Variants in GOLM2 observed in about 807,000 individuals in gnomAD.
GOLM2 encodes golgi membrane protein 2.
Under a neutral mutation model 55.9 loss-of-function variants are expected in GOLM2, and 26 were observed. That is an observed-to-expected ratio of 0.47 (90% confidence interval 0.34 to 0.65). The LOEUF is 0.65. Among genes scored for constraint, GOLM2 ranks in the 30% least tolerant of loss-of-function variants. The probability of loss-of-function intolerance (pLI) is 0.01; values close to 1 mark genes in which losing one functional copy is unlikely to be tolerated. For missense variants in GOLM2, 486 were observed against 531.8 expected (o/e 0.91, Z 0.85); for synonymous variants, 165 against 194.6 (o/e 0.85, Z 1.27).
chr15:44,302,777 C>T lies in GOLM2; in HGVS notation c.327+13421C>T, dbSNP rs144614732. ...AAGTGTTGGGATTACAAGCATGAGC[C>T]ACCATATCCAGCCTGTGAATTTCTT... is the stretch of plus-strand genomic sequence containing the variant. On this transcript the variant is annotated intron_variant, in intron 1 of 9. Coordinates refer to ENST00000299957, the MANE Select transcript of GOLM2 (RefSeq NM_138423.4). Among the ~76,000 whole-genome samples, 1,125 of 152,242 alleles carry T rather than the reference C, an allele frequency of 7.4e-3. 12 individuals carry two copies. The highest frequency in any genetic ancestry group is 0.026 in the African/African-American group (1,076 of 41,546).
chr15:44,312,895 A>C (rs1325143573), intron 1 of GOLM2, among the ~76,000 whole-genome samples: 1 of 152,008 alleles, frequency 6.6e-6, no homozygotes, highest in East Asian at 1.9e-4. Flanking sequence ...CTTGGCCAAC[A>C]TGGTGAAACC....
intron 6 of GOLM2, among the ~76,000 whole-genome samples, chr15:44,349,152 G>A (rs1376314744): frequency 1.3e-5 from 2 of 151,574 alleles, no homozygotes; most frequent in South Asian, 2.1e-4. Flanking sequence ...CCAGCTACTC[G>A]GGAGGCTGAG....
intron 3 of GOLM2, among the ~76,000 whole-genome samples, chr15:44,331,434 G>A (rs983381217): frequency 6.6e-6 from 1 of 152,176 alleles, no homozygotes; most frequent in African/African-American, 2.4e-5. Context: ...TACTTGGCTA[G>A]CAGAAAGTCA....
At chr15:44,353,641 C>A (rs1884198985) in intron 6 of GOLM2, among the ~76,000 whole-genome samples, 2 of 152,086 alleles carry the variant, frequency 1.3e-5, no homozygotes, top group African/African-American at 2.4e-5. Context: ...ATGGATGGAA[C>A]TATGGTCATT....
chr15:44,367,425 C>A (rs1018103460), intron 6 of GOLM2, among the ~76,000 whole-genome samples: 9 of 152,050 alleles, frequency 5.9e-5, no homozygotes, highest in Admixed American at 5.9e-4. Context: ...TTATTTTATT[C>A]TCATTTTTGA....
At chr15:44,399,851 C>T (rs542964251) in intron 8 of GOLM2, among the ~76,000 whole-genome samples, 5 of 152,040 alleles carry the variant, frequency 3.3e-5, no homozygotes, top group African/African-American at 4.8e-5. Context: ...AAAAATTAGC[C>T]GGGCATGGTG....
intron 6 of GOLM2, among the ~76,000 whole-genome samples, chr15:44,351,884 C>T (rs2079167550): frequency 6.6e-6 from 1 of 151,946 alleles, no homozygotes; most frequent in Admixed American, 6.6e-5. Context: ...AAGATCTTTA[C>T]AATGAAAACT....
chr15:44,365,477 T>G (rs2079277382), intron 6 of GOLM2, among the ~76,000 whole-genome samples: 2 of 151,930 alleles, frequency 1.3e-5, no homozygotes, highest in South Asian at 4.2e-4. Flanking sequence ...CAGTGAGCTG[T>G]GACTGCACTC....
At chr15:44,379,389 A>T (rs2079386460) in intron 6 of GOLM2, among the ~76,000 whole-genome samples, 1 of 152,038 alleles carries the variant, frequency 6.6e-6, no homozygotes, top group South Asian at 2.1e-4. Context: ...AGGCAGGGAG[A>T]ATCGCTGGAA....
At chr15:44,341,083 T>TC (rs972900229) in intron 6 of GOLM2, among the ~76,000 whole-genome samples, 3 of 148,104 alleles carry the variant, frequency 2.0e-5, no homozygotes, top group African/African-American at 7.4e-5. Flanking sequence ...TTTTCTCTTT[T>TC]TTTTTTTTTT....
chr15:44,386,864 T>C (rs983972155), intron 8 of GOLM2, among the ~76,000 whole-genome samples: 2 of 150,838 alleles, frequency 1.3e-5, no homozygotes, highest in African/African-American at 4.9e-5. Context: ...AAGTGAGCCC[T>C]GTCTCTGAAA....
intron 1 of GOLM2, among the ~76,000 whole-genome samples, chr15:44,317,749 T>C (rs894259179): frequency 6.6e-5 from 10 of 152,164 alleles, no homozygotes; most frequent in Admixed American, 6.5e-4. Context: ...TCAAAATCAA[T>C]AGGTCAAAAT....
At chr15:44,350,209 T>C (rs1351512783) in intron 6 of GOLM2, among the ~76,000 whole-genome samples, 5 of 152,034 alleles carry the variant, frequency 3.3e-5, no homozygotes, top group African/African-American at 1.2e-4. Context: ...AGTTGGTGTT[T>C]TGAAAACATA....
At chr15:44,297,926 GA>G (rs2078769259) in intron 1 of GOLM2, among the ~76,000 whole-genome samples, 1 of 137,510 alleles carries the variant, frequency 7.3e-6, no homozygotes, top group African/African-American at 2.8e-5. Context: ...GCAGTACAGT[GA>G]CGCAATCTTG....
At chr15:44,386,966 G>A (rs2079450014) in intron 8 of GOLM2, among the ~76,000 whole-genome samples, 1 of 152,050 alleles carries the variant, frequency 6.6e-6, no homozygotes, top group Admixed American at 6.6e-5. Context: ...CTGGAGCCCA[G>A]GAGTTTGATA....
At chr15:44,361,823 C>A (rs917564797) in intron 6 of GOLM2, among the ~76,000 whole-genome samples, 6 of 152,178 alleles carry the variant, frequency 3.9e-5, no homozygotes, top group African/African-American at 1.4e-4. Flanking sequence ...AATCCAGCAG[C>A]ACATCAAAAA....
At chr15:44,389,187 C>T (rs2079470779) in intron 8 of GOLM2, among the ~76,000 whole-genome samples, 1 of 152,058 alleles carries the variant, frequency 6.6e-6, no homozygotes, top group South Asian at 2.1e-4. Flanking sequence ...TTTTTTCTTT[C>T]ATTTAACACT....
rs965078949 is a variant in GOLM2 at position 44,367,688 on chromosome 15, G to A, written c.803-12002G>A. Among the ~76,000 whole-genome samples, 7 of 151,988 alleles carry A rather than the reference G, an allele frequency of 4.6e-5. No individual in the cohort carries two copies. The South Asian group carries it at 1.2e-3, about 27-fold the overall frequency. On this transcript the variant is annotated intron_variant, in intron 6 of 9. Coordinates refer to ENST00000299957, the MANE Select transcript of GOLM2 (RefSeq NM_138423.4). The stretch of plus-strand genomic sequence containing the variant: ...CGTGGGCCTGCAGTCCCAGCTACTC[G>A]TGAGGCTTGGGCAGGAGAATTGCTT...
At chr15:44,407,077 AAT>A (rs908914344) in intron 9 of GOLM2, among the ~76,000 whole-genome samples, 19 of 147,004 alleles carry the variant, frequency 1.3e-4, no homozygotes, top group Admixed American at 4.8e-4. Context: ...CAATATATAA[AAT>A]ATATTCTATT....
Sources: gnomAD v4.1 joint callset for allele counts (sites outside exome capture counted in the v4.1 genomes callset) on GRCh38, gnomAD v4.1.1 for gene constraint, MANE v1.5 for transcripts, NCBI Gene and HGNC (gene_info 2026-07-23, HGNC 2026-07-21) for gene names.